The following NFIA variants were observed in gnomAD, a reference collection of about 807,000 sequenced individuals.
The protein encoded by NFIA is nuclear factor 1 A-type.
NFIA carries 8 observed loss-of-function variants against 62.8 expected under a neutral mutation model. The ratio of observed to expected loss-of-function variants is 0.13; its 90% CI spans 0.07 to 0.23. The LOEUF is 0.23. Ranked by LOEUF, NFIA falls within the 10% of genes least tolerant of loss-of-function variation. The pLI, the probability that NFIA is intolerant of heterozygous loss-of-function variation, is 1.00. For synonymous variants in NFIA, 235 were observed against 238.1 expected (o/e 0.99, Z 0.12); for missense variants, 410 against 642.1 (o/e 0.64, Z 3.91).
chr1:61,317,078 A>G (rs1174298897), intron 3 of NFIA, among the ~76,000 whole-genome samples: 3 of 152,186 alleles, frequency 2.0e-5, no homozygotes, highest in Non-Finnish European at 4.4e-5. Flanking sequence ...TCAGATTTCT[A>G]AATTAAATAA....
chr1:61,190,096 G>A (rs896550291), intron 2 of NFIA, among the ~76,000 whole-genome samples: 5 of 152,276 alleles, frequency 3.3e-5, no homozygotes, highest in Non-Finnish European at 4.4e-5. Flanking sequence ...CACAGGTAGC[G>A]TTGGAAGCCT....
At chr1:61,423,258 A>G (rs921241936) in intron 9 of NFIA, among the ~76,000 whole-genome samples, 2 of 150,586 alleles carry the variant, frequency 1.3e-5, no homozygotes, top group African/African-American at 4.9e-5. Context: ...AAAAAAAAGC[A>G]AACACTTTCT....
At chr1:61,285,116 C>T (rs1339043145) in intron 3 of NFIA, among the ~76,000 whole-genome samples, 1 of 152,144 alleles carries the variant, frequency 6.6e-6, no homozygotes, top group East Asian at 1.9e-4. Flanking sequence ...GTAGAAGGTG[C>T]ACCTGGTGTT....
At chr1:61,275,168 G>A (rs1006008088) in intron 2 of NFIA, among the ~76,000 whole-genome samples, 7 of 152,156 alleles carry the variant, frequency 4.6e-5, no homozygotes, top group East Asian at 3.9e-4. Context: ...AGAATGCGGC[G>A]GCCCCTTGCA....
intron 2 of NFIA, among the ~76,000 whole-genome samples, chr1:61,208,034 G>C (rs1425575630): frequency 7.6e-6 from 1 of 131,172 alleles, no homozygotes; most frequent in African/African-American, 3.0e-5. Flanking sequence ...GTAAGGCACT[G>C]TCTGCAATGC....
At chr1:61,245,598 T>C (rs1261502387) in intron 2 of NFIA, among the ~76,000 whole-genome samples, 1 of 152,144 alleles carries the variant, frequency 6.6e-6, no homozygotes, top group East Asian at 1.9e-4. Context: ...TCTCATTATA[T>C]TCTACAAAGG....
intron 2 of NFIA, among the ~76,000 whole-genome samples, chr1:61,153,702 T>C (rs932903392): frequency 6.6e-6 from 1 of 152,248 alleles, no homozygotes; most frequent in Non-Finnish European, 1.5e-5. Context: ...CGAGGTCTTC[T>C]GCCTTATTAG....
chr1:61,394,165 T>C (rs2100505005), intron 7 of NFIA, among the ~76,000 whole-genome samples: 1 of 152,256 alleles, frequency 6.6e-6, no homozygotes. Flanking sequence ...ATTGCGCTAT[T>C]CTTTCTTACC....
intron 2 of NFIA, among the ~76,000 whole-genome samples, chr1:61,257,464 A>G (rs1656482484): frequency 6.7e-6 from 1 of 149,070 alleles, no homozygotes. Flanking sequence ...CAGGCTCCCG[A>G]GTAGCTGGGA....
chr1:61,353,583 T>A (rs1428262717), intron 5 of NFIA, among the ~76,000 whole-genome samples: 2 of 152,222 alleles, frequency 1.3e-5, no homozygotes, highest in Non-Finnish European at 2.9e-5. Context: ...AGCAAGTACC[T>A]GAGTCTTATG....
intron 2 of NFIA, among the ~76,000 whole-genome samples, chr1:61,128,702 C>T (rs553802399): frequency 6.6e-6 from 1 of 152,134 alleles, no homozygotes; most frequent in South Asian, 2.1e-4. Flanking sequence ...AAAATGAGCA[C>T]TGGCTTGCAT....
Position 61,435,167 on chromosome 1 carries a change from G to T in NFIA, c.1512+8611G>T, listed in dbSNP as rs114095759. Among the ~76,000 whole-genome samples, 549 of 152,316 alleles carry T rather than the reference G, an allele frequency of 3.6e-3. 5 individuals carry two copies. The highest frequency in any genetic ancestry group is 0.013 in the African/African-American group (522 of 41,574). ...GGGTACTCACCAGGTTTCTCTGGGG[G>T]AACAGGAGGAAAAGTCATGATTCAA... On this transcript the variant is annotated intron_variant, in intron 10 of 10. Transcript: ENST00000403491.
intron 7 of NFIA, among the ~76,000 whole-genome samples, chr1:61,392,717 A>C (rs1665043618): frequency 6.6e-6 from 1 of 152,252 alleles, no homozygotes; most frequent in Non-Finnish European, 1.5e-5. Flanking sequence ...GAATCATGTT[A>C]ATATGTTGTC....
Position 61,264,653 on chromosome 1 carries a change from C to CAA in NFIA, c.560-12841_560-12840dup, listed in dbSNP as rs1165980251. On this transcript the variant is annotated intron_variant, in intron 2 of 10. Transcript: ENST00000403491. ...GCGATAAGAGCAAAACTCCACCTTA[C>CAA]AAAAAAAAAAAAAAAAAAAAAAAAA... is the stretch of plus-strand genomic sequence containing the variant. Among the ~76,000 whole-genome samples, 80 of 60,750 alleles carry CAA rather than the reference C, an allele frequency of 1.3e-3. 8 individuals are homozygous for CAA. Among genetic ancestry groups the CAA allele is most frequent in the Admixed American group, 1.9e-3 (7 of 3,736 alleles). The allele number at this position is 60,750 out of a possible 152,430, so 39.9% of individuals were successfully genotyped here. A position where few individuals can be genotyped will look rare whatever the true frequency, so the allele number is the denominator to read the frequency against.
At chr1:61,199,636 A>G (rs962028632) in intron 2 of NFIA, among the ~76,000 whole-genome samples, 4 of 151,932 alleles carry the variant, frequency 2.6e-5, no homozygotes, top group African/African-American at 9.7e-5. Context: ...AGCTTCATAG[A>G]TATGTGGTGT....
intron 6 of NFIA, among the ~76,000 whole-genome samples, chr1:61,366,689 G>A (rs570915148): frequency 3.9e-5 from 6 of 152,296 alleles, no homozygotes; most frequent in South Asian, 2.1e-4. Flanking sequence ...TTGGGAGGCC[G>A]AGGTGGGCAG....
intron 6 of NFIA, among the ~76,000 whole-genome samples, chr1:61,378,640 G>A (rs1235780400): frequency 6.6e-6 from 1 of 152,136 alleles, no homozygotes; most frequent in Admixed American, 6.5e-5. Context: ...GTTTCCATGG[G>A]TCTGGAGCCT....
chr1:61,142,815 A>T (rs1157102205), intron 2 of NFIA, among the ~76,000 whole-genome samples: 2 of 152,168 alleles, frequency 1.3e-5, no homozygotes, highest in African/African-American at 4.8e-5. Context: ...CTCTTAGGGC[A>T]CATGGAAAGC....
At chr1:61,373,417 A>G (rs546030568) in intron 6 of NFIA, among the ~76,000 whole-genome samples, 3 of 152,146 alleles carry the variant, frequency 2.0e-5, no homozygotes, top group South Asian at 2.1e-4. Context: ...AAATGTTTCA[A>G]TCAGTTTCAA....
Sources: allele counts gnomAD v4.1 joint callset (sites outside exome capture counted in the v4.1 genomes callset), GRCh38; gene constraint gnomAD v4.1.1; transcripts MANE v1.5; gene names NCBI Gene and HGNC (gene_info 2026-07-23, HGNC 2026-07-21).